Variants in TBC1D8 observed in about 807,000 individuals in gnomAD.
TBC1D8 encodes the protein BUB2-like protein 1.
A neutral mutation model predicts 118.8 loss-of-function variants in TBC1D8; 65 were observed. That is an observed-to-expected ratio of 0.55 (90% confidence interval 0.45 to 0.67). The LOEUF is 0.67. Ranked by LOEUF, TBC1D8 falls within the 30% of genes least tolerant of loss-of-function variation. TBC1D8 has a pLI of 0.00. For synonymous variants in TBC1D8, 566 were observed against 595.8 expected (o/e 0.95, Z 0.73); for missense variants, 1,376 against 1,471.2 (o/e 0.94, Z 1.06).
intron 1 of TBC1D8, among the ~76,000 whole-genome samples, chr2:101,113,112 C>T (rs756727549): frequency 1.3e-5 from 2 of 152,098 alleles, no homozygotes; most frequent in African/African-American, 2.4e-5. Context: ...ATCAAGAGAA[C>T]CAGTTATAAA....
chr2:101,149,454 G>A (rs976279354), intron 1 of TBC1D8, among the ~76,000 whole-genome samples: 2 of 152,152 alleles, frequency 1.3e-5, no homozygotes, highest in East Asian at 1.9e-4. Flanking sequence ...GGCCCTCACC[G>A]CCTGCTCTCG....
At chr2:101,049,676 C>T (rs1681928430) in intron 5 of TBC1D8, among the ~76,000 whole-genome samples, 1 of 151,218 alleles carries the variant, frequency 6.6e-6, no homozygotes, top group East Asian at 2.0e-4. Context: ...TGCAGTGAGC[C>T]GAGATAGCAC....
intron 12 of TBC1D8, 96 bp downstream of exon 12, chr2:101,029,394 TA>T (rs74845104): frequency 0.043 from 50,147 of 1,175,104 alleles, no homozygotes; most frequent in Non-Finnish European, 0.045. Context: ...TCTGTCTCAA[TA>T]AAAAAAAAAA....
rs529675978 is a variant in TBC1D8, at chr2:101,083,957, A to C, written c.283+6252T>G. On this transcript the variant is annotated intron_variant, in intron 2 of 19. Transcript: ENST00000409318. Reference sequence around the variant, plus strand: ...CTGGGTCCATGACAGAAATACACTCAACAATTCTCTCTTCCTTAACCCAAG... The same window carrying C: ...CTGGGTCCATGACAGAAATACACTCCACAATTCTCTCTTCCTTAACCCAAG... Among the ~76,000 whole-genome samples, 7 of 152,328 alleles carry C rather than the reference A, an allele frequency of 4.6e-5. No individual in the cohort carries two copies. In the South Asian group the frequency reaches 1.4e-3, roughly 32 times the overall value.
At chr2:101,099,568 C>T (rs1433174543) in intron 1 of TBC1D8, among the ~76,000 whole-genome samples, 1 of 152,116 alleles carries the variant, frequency 6.6e-6, no homozygotes, top group Non-Finnish European at 1.5e-5. Flanking sequence ...AGAAAGAAAA[C>T]TTCAGACCAA....
chr2:101,012,437 C>T (rs75834766), intron 17 of TBC1D8, among the ~76,000 whole-genome samples: 11 of 152,292 alleles, frequency 7.2e-5, no homozygotes, highest in African/African-American at 2.6e-4. Flanking sequence ...TGAGAGAAGT[C>T]GAACATGATA....
At position 101,007,724 on chromosome 2, in the gene TBC1D8, G is replaced by A. The variant is rs1246589408; in HGVS notation, c.*97C>T. On this transcript the variant is annotated 3_prime_UTR_variant, in exon 20 of 20. Coordinates refer to ENST00000409318, the MANE Select transcript of TBC1D8 (RefSeq NM_001330348.2). ...GTTTAGCCAGATGCCCCATTGGTAA[G>A]GTAGACTGAAATCTCGGTTTAGGGC... The A allele has an allele frequency of 1.6e-6, 2 of 1,285,480 alleles. No individual in the cohort carries two copies. Among genetic ancestry groups the A allele is most frequent in the East Asian group, 2.3e-5 (1 of 43,240 alleles). The allele number at this position is 1,285,480 out of a possible 1,614,324, so 79.6% of individuals were successfully genotyped here.
In TBC1D8 at chr2:101,051,700, G is replaced by GA. The variant is rs200754829; in HGVS notation, c.632-1060dup. Among the ~76,000 whole-genome samples the GA allele has an allele frequency of 3.8e-3, 573 of 150,522 alleles. 6 individuals carry two copies. Among genetic ancestry groups the GA allele is most frequent in the African/African-American group, 0.012 (481 of 41,030 alleles). On this transcript the variant is annotated intron_variant, in intron 4 of 19. Transcript: ENST00000409318. ...CATACATGCGGCCAACAAGCATATGGAAAAAAAAAGCTCAACATCACTGAT... is the reference window on the plus strand; with the variant it reads ...CATACATGCGGCCAACAAGCATATGGAAAAAAAAAAGCTCAACATCACTGAT...
intron 1 of TBC1D8, among the ~76,000 whole-genome samples, chr2:101,130,141 G>A (rs1023669315): frequency 1.3e-5 from 2 of 152,150 alleles, no homozygotes; most frequent in Non-Finnish European, 2.9e-5. Flanking sequence ...TGCCATTGGG[G>A]TACTTGAACC....
At position 101,028,273 on chromosome 2, in the gene TBC1D8, A is replaced by C. The variant is rs372940288; in HGVS notation, c.2352+30T>G. 7.5e-6 allele frequency: 12 copies of C among 1,598,264 alleles called. No homozygotes were observed. In the African/African-American group the frequency reaches 1.6e-4, roughly 21 times the overall value. ...CAATTCCCGGGGGGTTAGGGGCTGC[A>C]ACGGGGCATGGGGCGGGGGTTCCCG... is the stretch of plus-strand genomic sequence containing the variant. On this transcript the variant is annotated intron_variant, in intron 13 of 19. Transcript: ENST00000409318.
intron 2 of TBC1D8, among the ~76,000 whole-genome samples, chr2:101,083,814 G>A (rs1675417454): frequency 6.6e-6 from 1 of 152,128 alleles, no homozygotes; most frequent in Non-Finnish European, 1.5e-5. Flanking sequence ...GAAACCCTGG[G>A]CAGGGGCCTT....
intron 5 of TBC1D8, among the ~76,000 whole-genome samples, chr2:101,048,895 A>G (rs918980515): frequency 2.6e-5 from 4 of 152,230 alleles, no homozygotes; most frequent in Middle Eastern, 3.2e-3. Flanking sequence ...TTCACTCAAT[A>G]TAATGTCCTC....
rs1358679454 is a variant in TBC1D8 at position 101,008,070 on chromosome 2, C to T, written c.3219G>A (p.Ser1073=). ...GCGTCTTCCCAGTGTCTGCAAAAAC[C>T]GAGTCCTCAGGAGAAGGAGCTGAAG... The part of the protein sequence containing the change: ...LRASAPSPED[S]VFADTGKTPQ... The change falls in exon 20 of 20, where the codon TCG becomes TCA. Residue 1073 remains serine (S), a synonymous_variant. Transcript: ENST00000409318. 6 of 1,613,820 alleles carry T rather than the reference C, an allele frequency of 3.7e-6. No individual in the cohort carries two copies. The highest frequency in any genetic ancestry group is 2.2e-5 in the East Asian group (1 of 44,884).
intron 2 of TBC1D8, among the ~76,000 whole-genome samples, chr2:101,078,083 T>A (rs550810271): frequency 2.3e-4 from 35 of 152,254 alleles, no homozygotes; most frequent in African/African-American, 7.9e-4. Flanking sequence ...CTGCTAAGAT[T>A]GTATCCCCAA....
chr2:101,149,680 C>G (rs1245419569), intron 1 of TBC1D8, among the ~76,000 whole-genome samples: 1 of 152,156 alleles, frequency 6.6e-6, no homozygotes, highest in East Asian at 1.9e-4. Context: ...AAGGGAGGGA[C>G]GACAAATTCC....
intron 1 of TBC1D8, among the ~76,000 whole-genome samples, chr2:101,106,996 G>A (rs1677265221): frequency 6.6e-6 from 1 of 152,200 alleles, no homozygotes; most frequent in Admixed American, 6.5e-5. Flanking sequence ...TGTATTCAAT[G>A]CATTTTTGAC....
At chr2:101,053,220 C>A (rs1682178540) in intron 4 of TBC1D8, among the ~76,000 whole-genome samples, 1 of 152,150 alleles carries the variant, frequency 6.6e-6, no homozygotes, top group African/African-American at 2.4e-5. Flanking sequence ...GAAAGAAAGC[C>A]AGGTGTACTT....
chr2:101,112,655 A>G (rs1677657747), intron 1 of TBC1D8, among the ~76,000 whole-genome samples: 4 of 152,206 alleles, frequency 2.6e-5, no homozygotes, highest in Non-Finnish European at 5.9e-5. Flanking sequence ...CCCAAAGGCC[A>G]TGAATGGAGG....
rs181799124 is a variant in TBC1D8 at position 101,023,137 on chromosome 2, T to G, written c.2521-616A>C. ...TCCAGCCTGGGCAACAGAGCGTTTT[T>G]TTTGTTTGTTTGTTTTCCTTTTTTT... On this transcript the variant is annotated intron_variant, in intron 15 of 19. Transcript: ENST00000409318. Among the ~76,000 whole-genome samples, 422 of 148,062 alleles carry G rather than the reference T, an allele frequency of 2.9e-3. 3 individuals are homozygous for G. The highest frequency in any genetic ancestry group is 9.7e-3 in the African/African-American group (393 of 40,580).
Sources: gnomAD v4.1 joint callset for allele counts (sites outside exome capture counted in the v4.1 genomes callset) on GRCh38, gnomAD v4.1.1 for gene constraint, MANE v1.5 for transcripts, NCBI Gene and HGNC (gene_info 2026-07-23, HGNC 2026-07-21) for gene names.